The following CHRNG variants were observed in gnomAD, a reference collection of about 807,000 sequenced individuals.
CHRNG encodes cholinergic receptor nicotinic gamma subunit, also known as acetylcholine receptor subunit gamma.
A neutral mutation model predicts 65.2 loss-of-function variants in CHRNG; 72 were observed. The observed-to-expected ratio is 1.10, with a 90% CI of 0.91 to 1.34. The LOEUF is 1.34. Among genes scored for constraint, CHRNG ranks in the 40% most tolerant of loss-of-function variants. The pLI, the probability that CHRNG is intolerant of heterozygous loss-of-function variation, is 0.00. For missense variants in CHRNG, 637 were observed against 680.1 expected (o/e 0.94, Z 0.70); for synonymous variants, 284 against 290.2 (o/e 0.98, Z 0.22).
intron 10 of CHRNG, 74 bp from the exon 11 acceptor site, chr2:232,544,698 C>T (rs941461385): frequency 2.2e-5 from 35 of 1,589,994 alleles, no homozygotes; most frequent in Non-Finnish European, 2.8e-5. Flanking sequence ...AGCTGGGGTC[C>T]CTAAGGAGAG....
Position 232,540,009 on chromosome 2 carries a change from C to A in CHRNG, c.73C>A (p.Gln25Lys), listed in dbSNP as rs1691981013. The A allele has an allele frequency of 3.1e-6, 5 of 1,614,090 alleles. No homozygotes were observed. Among genetic ancestry groups the A allele is most frequent in the South Asian group, 1.1e-5 (1 of 91,096 alleles). The stretch of plus-strand genomic sequence containing the variant: ...TATTGCAGGGGCCCAGGGCCGGAAC[C>A]AGGAGGAGCGCCTGCTCGCAGACCT... ...AVCLGAQGRNQEERLLADLMQ... is the reference protein window; with the variant it reads ...AVCLGAQGRNKEERLLADLMQ... Residue 25 changes from glutamine (Q) to lysine (K), a missense_variant, in exon 2 of 12, where the codon CAG becomes AAG. Gln to Lys is a moderately conservative substitution (Grantham distance 53). Transcript: ENST00000651502. This position sits in a 1 kb window ranked among gnomAD's most constrained non-coding sequence, Gnocchi z 4.2.
chr2:232,540,502 C>T lies in CHRNG; in HGVS notation c.240+77C>T, dbSNP rs1691994005. On this transcript the variant is annotated intron_variant, in intron 3 of 11. Transcript: ENST00000651502. This position sits in a 1 kb window ranked among gnomAD's most constrained non-coding sequence, Gnocchi z 4.2. ...CCCAAGGCCTCCTGAGAGTTGCCTG[C>T]CCCGTTCCTGCCTCTTCTGTCCTCT... 3.1e-6 allele frequency: 5 copies of T among 1,601,600 alleles called. No individual in the cohort carries two copies. In the South Asian group the frequency reaches 4.4e-5, roughly 14 times the overall value.
In CHRNG at chr2:232,540,139, G is replaced by A. The variant is rs762618905; in HGVS notation, c.195+8G>A. 55 of 1,614,034 alleles carry A rather than the reference G, an allele frequency of 3.4e-5. No individual in the cohort carries two copies. Among genetic ancestry groups the A allele is most frequent in the Admixed American group, 1.0e-4 (6 of 60,014 alleles). ...ACCAACCTCATCTCCCTGGTAAGCC[G>A]CAGGACGGAGGAGGGGTCAGCGCAC... On this transcript the variant is annotated splice_region_variant and intron_variant, in intron 2 of 11. Coordinates refer to ENST00000651502, the MANE Select transcript of CHRNG (RefSeq NM_005199.5). This position sits in a 1 kb window ranked among gnomAD's most constrained non-coding sequence, Gnocchi z 4.2.
rs750686793 is a variant in CHRNG at position 232,541,577 on chromosome 2, C to T, written c.506+48C>T. On this transcript the variant is annotated intron_variant, in intron 5 of 11. Coordinates refer to ENST00000651502, the MANE Select transcript of CHRNG (RefSeq NM_005199.5). The surrounding 1 kb of genome is among the most constrained non-coding windows in gnomAD (Gnocchi z 4.0). ...ATTAAGAGAGCTGCTCTCAGAGGGG[C>T]CTGGGCAGTGGTGGGGTAAGGCCTG... 2.5e-6 allele frequency: 4 copies of T among 1,604,986 alleles called. No homozygotes were observed. Among genetic ancestry groups the T allele is most frequent in the South Asian group, 1.1e-5 (1 of 91,014 alleles).
chr2:232,543,591 G>C lies in CHRNG; in HGVS notation c.927G>C (p.Leu309=). The C allele has an allele frequency of 6.2e-7, 1 of 1,608,348 alleles. No homozygotes were observed. The highest frequency in any genetic ancestry group is 1.1e-5 in the South Asian group (1 of 90,932). The part of the protein sequence containing the change: ...SQAVPLISKY[L]TFLLVVTILI... Reference sequence around the variant, plus strand: ...GCCCACCCCACCCTGACAGGTACCTGACCTTCCTCCTGGTGGTGACCATCC... The same window carrying C: ...GCCCACCCCACCCTGACAGGTACCTCACCTTCCTCCTGGTGGTGACCATCC... Residue 309 remains leucine (L), a synonymous_variant, in exon 9 of 12, where the codon CTG becomes CTC. Transcript: ENST00000651502.
intron 8 of CHRNG, 66 bp from the exon 9 acceptor site, chr2:232,543,519 A>T: frequency 8.0e-7 from 1 of 1,254,262 alleles, no homozygotes; most frequent in East Asian, 2.4e-5. Context: ...GAGGGGGGGC[A>T]GCCACTAAGC....
At chr2:232,542,574 C>G in intron 6 of CHRNG, 54 bp downstream of exon 6, 1 of 1,262,460 alleles carries the variant, frequency 7.9e-7, no homozygotes, top group Non-Finnish European at 1.2e-6. Context: ...TCCTGCTGGA[C>G]CCAGCTGTGG....
rs1448130947 is a variant in CHRNG at position 232,540,269 on chromosome 2, TG to T, written c.196-106del. ...GGGGTCTGGAAAACCCCCATGGTTG[TG>T]GGGGGAGTACTATCAAGAGGCTGGG... On this transcript the variant is annotated intron_variant, in intron 2 of 11. Coordinates refer to ENST00000651502, the MANE Select transcript of CHRNG (RefSeq NM_005199.5). This position sits in a 1 kb window ranked among gnomAD's most constrained non-coding sequence, Gnocchi z 4.2. 13 of 1,597,692 alleles carry T rather than the reference TG, an allele frequency of 8.1e-6. No individual in the cohort carries two copies. Among genetic ancestry groups the T allele is most frequent in the Non-Finnish European group, 1.0e-5 (12 of 1,165,822 alleles).
At position 232,541,293 on chromosome 2, in the gene CHRNG, G is replaced by T. The variant is rs1559303182; in HGVS notation, c.351-81G>T. ...GGTGTCCCCAGGCCCCTATCCACATGGGGCACAGGGGCTGGTCTGGGGCTG... is the reference window on the plus strand; with the variant it reads ...GGTGTCCCCAGGCCCCTATCCACATTGGGCACAGGGGCTGGTCTGGGGCTG... On this transcript the variant is annotated intron_variant, in intron 4 of 11. Transcript: ENST00000651502. The surrounding 1 kb of genome is among the most constrained non-coding windows in gnomAD (Gnocchi z 4.0). The T allele has an allele frequency of 6.4e-7, 1 of 1,563,006 alleles. No homozygotes were observed.
chr2:232,543,423 C>T (rs1692057832), intron 8 of CHRNG, 34 bp downstream of exon 8: 4 of 1,485,970 alleles, frequency 2.7e-6, no homozygotes, highest in Non-Finnish European at 3.8e-6. Context: ...CCGCCTATGC[C>T]ACTCTCCCTT....
At position 232,547,928 on chromosome 2, in the gene CHRNG, A is replaced by C. The variant is rs1692159448; in HGVS notation, c.*2212A>C. ...TCGAGGCATACCTCAAAGACATTGC[A>C]GGTTCAGTTCCAGACCAACACAAGA... On this transcript the variant is annotated 3_prime_UTR_variant, in exon 12 of 12. Coordinates refer to ENST00000651502, the MANE Select transcript of CHRNG (RefSeq NM_005199.5). The C allele has an allele frequency of 4.5e-6, 2 of 442,970 alleles. No homozygotes were observed. Among genetic ancestry groups the C allele is most frequent in the Non-Finnish European group, 7.9e-6 (2 of 254,076 alleles). The allele number at this position is 442,970 out of a possible 1,614,324, so 27.4% of individuals were successfully genotyped here. A position where few individuals can be genotyped will look rare whatever the true frequency, so the allele number is the denominator to read the frequency against.
rs898828425 is a variant in CHRNG, at chr2:232,541,794, G to A, written c.506+265G>A. 3.6e-6 allele frequency: 2 copies of A among 560,980 alleles called. No homozygotes were observed. The highest frequency in any genetic ancestry group is 3.8e-5 in the African/African-American group (2 of 53,014). The allele number at this position is 560,980 out of a possible 1,614,324, so 34.8% of individuals were successfully genotyped here. A position where few individuals can be genotyped will look rare whatever the true frequency, so the allele number is the denominator to read the frequency against. ...TCCAAGGGGAGACATTCACGCCTGGGGTGCGTGGGTGAGAAGGCACACATG... is the reference window on the plus strand; with the variant it reads ...TCCAAGGGGAGACATTCACGCCTGGAGTGCGTGGGTGAGAAGGCACACATG... On this transcript the variant is annotated intron_variant, in intron 5 of 11. Transcript: ENST00000651502. This position sits in a 1 kb window ranked among gnomAD's most constrained non-coding sequence, Gnocchi z 4.0.
intron 5 of CHRNG, among the ~76,000 whole-genome samples, chr2:232,542,095 A>T (rs1656389): frequency 6.6e-6 from 1 of 151,784 alleles, no homozygotes; most frequent in Non-Finnish European, 1.5e-5. Flanking sequence ...GGTCCTCCTG[A>T]GGTAGGCATG....
Position 232,546,066 on chromosome 2 carries a change from C to T in CHRNG, c.*350C>T, listed in dbSNP as rs958921369. On this transcript the variant is annotated 3_prime_UTR_variant, in exon 12 of 12. Transcript: ENST00000651502. The stretch of plus-strand genomic sequence containing the variant: ...GAAGGACTGTTTTGTATAATACCTT[C>T]GGACTTGGGACTGGCTCCCCTTTTA... 3 of 379,658 alleles carry T rather than the reference C, an allele frequency of 7.9e-6. No individual in the cohort carries two copies. Among genetic ancestry groups the T allele is most frequent in the South Asian group, 2.2e-5 (1 of 44,834 alleles). The allele number at this position is 379,658 out of a possible 1,614,324, so 23.5% of individuals were successfully genotyped here.
rs149535359 is a variant in CHRNG, at chr2:232,543,624, C to G, written c.960C>G (p.Val320=). Residue 320 remains valine (V), a synonymous_variant, in exon 9 of 12, where the codon GTC becomes GTG. Transcript: ENST00000651502. ...TCCTGGTGGTGACCATCCTCATTGT[C>G]GTGAATGCTGTGGTTGTGCTCAATG... ...TFLLVVTILI[V]VNAVVVLNVS... is the part of the protein sequence containing the mutation. 10 of 1,613,778 alleles carry G rather than the reference C, an allele frequency of 6.2e-6. No homozygotes were observed. The highest frequency in any genetic ancestry group is 1.6e-4 in the Middle Eastern group (1 of 6,062).
At position 232,541,541 on chromosome 2, in the gene CHRNG, T is replaced by C. The variant is rs1174015142; in HGVS notation, c.506+12T>C. On this transcript the variant is annotated intron_variant, in intron 5 of 11. Transcript: ENST00000651502. This position sits in a 1 kb window ranked among gnomAD's most constrained non-coding sequence, Gnocchi z 4.0. ...TCCCTTATCTTCCAGTGAGGCCATT[T>C]ATTGGGGAGGATTAAGAGAGCTGCT... 1 of 1,612,974 alleles carries C rather than the reference T, an allele frequency of 6.2e-7. No homozygotes were observed. The highest frequency in any genetic ancestry group is 1.7e-5 in the Admixed American group (1 of 60,026).
chr2:232,543,310 C>T lies in CHRNG; in HGVS notation c.841C>T (p.Leu281Phe), dbSNP rs749060431. 1.5e-5 allele frequency: 25 copies of T among 1,614,050 alleles called. No homozygotes were observed. The highest frequency in any genetic ancestry group is 2.0e-5 in the Non-Finnish European group (24 of 1,180,002). Residue 281 changes from leucine (L) to phenylalanine (F), a missense_variant, in exon 8 of 12, where the codon CTC (leucine) becomes TTC (phenylalanine). Leu to Phe is a conservative substitution (Grantham distance 22, BLOSUM62 0). Transcript: ENST00000651502. ...GQKCTVAINVLLAQTVFLFLV... is the reference protein window; with the variant it reads ...GQKCTVAINVFLAQTVFLFLV... The stretch of plus-strand genomic sequence containing the variant: ...GAAGTGTACCGTCGCCATCAACGTG[C>T]TCCTGGCCCAGACTGTCTTCCTCTT...
Position 232,547,148 on chromosome 2 carries a change from TGCAATCCCAGCACCTTGGG to T in CHRNG, c.*1433_*1451del. On this transcript the variant is annotated 3_prime_UTR_variant, in exon 12 of 12. Coordinates refer to ENST00000651502, the MANE Select transcript of CHRNG (RefSeq NM_005199.5). ...CTGGCCAGGTGTGGTGGCTCACACC[TGCAATCCCAGCACCTTGGG>T]AGGACAAGGTGGGTGGACTGCTTGA... is the stretch of plus-strand genomic sequence containing the variant. Among the ~76,000 whole-genome samples the T allele has an allele frequency of 6.6e-6, 1 of 152,170 alleles. No individual in the cohort carries two copies. The highest frequency in any genetic ancestry group is 1.5e-5 in the Non-Finnish European group (1 of 68,020).
chr2:232,544,237 T>C (rs1692077656), intron 9 of CHRNG, 130 bp from the exon 10 acceptor site: 1 of 785,764 alleles, frequency 1.3e-6, no homozygotes, highest in East Asian at 2.4e-5. Flanking sequence ...ATAGAAAGCT[T>C]TACCAAGGCC....
Sources: gnomAD v4.1 joint callset for allele counts (sites outside exome capture counted in the v4.1 genomes callset) on GRCh38, gnomAD v4.1.1 for gene constraint, Gnocchi (gnomAD v3.1) non-coding constraint, MANE v1.5 for transcripts, NCBI Gene and HGNC (gene_info 2026-07-23, HGNC 2026-07-21) for gene names.